Variants in POLH observed in about 807,000 individuals in gnomAD.
POLH encodes DNA polymerase eta, also known as DNA polymerase eta transcript.
POLH carries 53 observed loss-of-function variants against 73.6 expected under a neutral mutation model. The ratio of observed to expected loss-of-function variants is 0.72; its 90% CI spans 0.58 to 0.91. The LOEUF (loss-of-function observed/expected upper bound fraction) is 0.91. POLH is among the 40% of genes least tolerant of loss of function. The probability of loss-of-function intolerance (pLI) is 0.00; values close to 1 mark genes in which losing one functional copy is unlikely to be tolerated. For missense variants in POLH, 768 were observed against 865.4 expected (o/e 0.89, Z 1.41); for synonymous variants, 292 against 308.5 (o/e 0.95, Z 0.56).
In POLH at chr6:43,619,859, G is replaced by A; in HGVS notation, c.*5302G>A. 6.6e-6 allele frequency among the ~76,000 whole-genome samples: 1 copy of A among 152,220 alleles called. No homozygotes were observed. Among genetic ancestry groups the A allele is most frequent in the East Asian group, 1.9e-4 (1 of 5,196 alleles). On this transcript the variant is annotated 3_prime_UTR_variant, in exon 11 of 11. Transcript: ENST00000372236. ...AGTTACATTTTATAAAACAGCCTGA[G>A]TGGTAGGGAAGCTATCACTTTAATA...
At chr6:43,602,867 T>C (rs556102835) in intron 6 of POLH, among the ~76,000 whole-genome samples, 209 of 152,074 alleles carry the variant, frequency 1.4e-3, no homozygotes, top group African/African-American at 4.9e-3. Flanking sequence ...GAGGTTTTAC[T>C]ATTTTGGCCA....
intron 10 of POLH, 122 bp from the exon 11 acceptor site, chr6:43,613,538 C>A: frequency 6.1e-6 from 5 of 814,250 alleles, no homozygotes; most frequent in Middle Eastern, 2.9e-4. Flanking sequence ...GAATGCTAGT[C>A]ATCTATGGAT....
rs1172765665 is a variant in POLH, at chr6:43,603,801, A to C, written c.765-91A>C. ...CTCTCATTTGTCCTGAACCTTTTGG[A>C]GAGCTGTTTACAAAGTAGAATGTCT... On this transcript the variant is annotated intron_variant, in intron 6 of 10. Coordinates refer to ENST00000372236, the MANE Select transcript of POLH (RefSeq NM_006502.3). 5 of 1,277,048 alleles carry C rather than the reference A, an allele frequency of 3.9e-6. No individual in the cohort carries two copies. In the South Asian group the frequency reaches 6.0e-5, roughly 15 times the overall value. The allele number at this position is 1,277,048 out of a possible 1,614,324, so 79.1% of individuals were successfully genotyped here. A position where few individuals can be genotyped will look rare whatever the true frequency, so the allele number is the denominator to read the frequency against.
intron 6 of POLH, 67 bp from the exon 7 acceptor site, chr6:43,603,825 C>G: frequency 6.5e-7 from 1 of 1,534,018 alleles, no homozygotes; most frequent in Non-Finnish European, 9.0e-7. Context: ...AGTAGAATGT[C>G]TTACGTTTGC....
rs1767791119 is a variant in POLH, at chr6:43,610,608, C to T, written c.1129C>T (p.Arg377Cys). Residue 377 changes from arginine (R) to cysteine (C), a missense_variant, in exon 10 of 11, where the codon CGC becomes TGC. By Grantham distance (180) the Arg-to-Cys change is radical. Transcript: ENST00000372236. ...VVSIRVQGDK[R>C]LSSLRRCCAL... is the part of the protein sequence containing the mutation. ...GAGCATTCGTGTACAAGGAGACAAA[C>T]GCCTCAGCAGCCTGCGCCGCTGCTG... 3 of 1,613,832 alleles carry T rather than the reference C, an allele frequency of 1.9e-6. No homozygotes were observed. The highest frequency in any genetic ancestry group is 2.2e-5 in the South Asian group (2 of 91,072).
At chr6:43,590,016 G>A (rs1765264073) in intron 4 of POLH, among the ~76,000 whole-genome samples, 1 of 151,876 alleles carries the variant, frequency 6.6e-6, no homozygotes, top group East Asian at 1.9e-4. Context: ...ACATGTACTT[G>A]AAGGTTAATT....
chr6:43,583,362 C>T (rs1189437933), intron 3 of POLH, among the ~76,000 whole-genome samples: 1 of 152,170 alleles, frequency 6.6e-6, no homozygotes, highest in African/African-American at 2.4e-5. Flanking sequence ...CCTTTGATAT[C>T]TATTCAGTTC....
Position 43,582,479 on chromosome 6 carries a change from C to T in POLH, c.137+23C>T, listed in dbSNP as rs941108912. On this transcript the variant is annotated intron_variant, in intron 2 of 10. Transcript: ENST00000372236. Reference sequence around the variant, plus strand: ...TGGGTATGTATCATTGTTATTGTCACAACTATTCAATGGTAACACAGTGGC... The same window carrying T: ...TGGGTATGTATCATTGTTATTGTCATAACTATTCAATGGTAACACAGTGGC... 9 of 1,609,506 alleles carry T rather than the reference C, an allele frequency of 5.6e-6. No homozygotes were observed. The African/African-American group carries it at 1.1e-4, about 19-fold the overall frequency.
At position 43,582,326 on chromosome 6, in the gene POLH, A is replaced by C; in HGVS notation, c.7A>C (p.Thr3Pro). The C allele has an allele frequency of 6.2e-7, 1 of 1,614,188 alleles. No individual in the cohort carries two copies. Residue 3 changes from threonine to proline, a missense_variant, in exon 2 of 11, where the codon ACT becomes CCT. Thr to Pro is a conservative substitution (Grantham distance 38). Transcript: ENST00000372236. Reference sequence around the variant, plus strand: ...AATGTTGTGTTACAGAAAAATGGCTACTGGACAGGATCGAGTGGTTGCTCT... The same window carrying C: ...AATGTTGTGTTACAGAAAAATGGCTCCTGGACAGGATCGAGTGGTTGCTCT... Reference protein sequence around the residue: MATGQDRVVALVD... With the variant: MAPGQDRVVALVD...
chr6:43,582,445 G>C lies in POLH; in HGVS notation c.126G>C (p.Trp42Cys), dbSNP rs374515054. 5.6e-6 allele frequency: 9 copies of C among 1,613,790 alleles called. No individual in the cohort carries two copies. The highest frequency in any genetic ancestry group is 4.5e-5 in the East Asian group (2 of 44,898). Residue 42 changes from tryptophan (W) to cysteine (C), a missense_variant, in exon 2 of 11, where the codon TGG becomes TGC. Physicochemically the swap from Trp to Cys is radical, Grantham distance 215. Transcript: ENST00000372236. ...KPCAVVQYKS[W>C]KGGGIIAVSY... Reference sequence around the variant, plus strand: ...GTGCAGTTGTACAGTACAAATCATGGAAGGGTGGTGGGTATGTATCATTGT... The same window carrying C: ...GTGCAGTTGTACAGTACAAATCATGCAAGGGTGGTGGGTATGTATCATTGT...
rs1216056060 is a variant in POLH at position 43,615,252 on chromosome 6, A to C, written c.*695A>C. On this transcript the variant is annotated 3_prime_UTR_variant, in exon 11 of 11. Transcript: ENST00000372236. ...GCGCTCCAGCCTGGGCAACAGAGCG[A>C]GACTTCATCTCAGAAAATAAAAAAT... is the stretch of plus-strand genomic sequence containing the variant. 6.6e-6 allele frequency: 1 copy of C among 152,548 alleles called. No individual in the cohort carries two copies. Among genetic ancestry groups the C allele is most frequent in the Middle Eastern group, 3.4e-3 (1 of 296 alleles). The allele number at this position is 152,548 out of a possible 1,614,324, so 9.4% of individuals were successfully genotyped here.
chr6:43,580,739 G>T (rs1245946324), intron 1 of POLH, among the ~76,000 whole-genome samples: 7 of 134,902 alleles, frequency 5.2e-5, no homozygotes, highest in African/African-American at 2.0e-4. Flanking sequence ...CTCCCTCCCG[G>T]ACGGGGCGGC....
intron 4 of POLH, among the ~76,000 whole-genome samples, chr6:43,592,745 A>G (rs938847464): frequency 6.6e-6 from 1 of 152,126 alleles, no homozygotes; most frequent in African/African-American, 2.4e-5. Flanking sequence ...ATTTGTGTGT[A>G]AAGTTTAAGT....
At position 43,619,502 on chromosome 6, in the gene POLH, T is replaced by C. The variant is rs2127829244; in HGVS notation, c.*4945T>C. On this transcript the variant is annotated 3_prime_UTR_variant, in exon 11 of 11. Coordinates refer to ENST00000372236, the MANE Select transcript of POLH (RefSeq NM_006502.3). ...GCACATGATAGGTGCTGATACTCATTGGATGAATGTATATAGTGAAGAATT... is the reference window on the plus strand; with the variant it reads ...GCACATGATAGGTGCTGATACTCATCGGATGAATGTATATAGTGAAGAATT... Among the ~76,000 whole-genome samples, 1 of 152,226 alleles carries C rather than the reference T, an allele frequency of 6.6e-6. No homozygotes were observed. Among genetic ancestry groups the C allele is most frequent in the South Asian group, 2.1e-4 (1 of 4,830 alleles).
rs1768614907 is a variant in POLH at position 43,620,167 on chromosome 6, C to T, written c.*5610C>T. Reference sequence around the variant, plus strand: ...TCTTTAAGTAGCTGGCACTGTATCTCTGCCAGGGCACAGAAGTGGGCTCCT... The same window carrying T: ...TCTTTAAGTAGCTGGCACTGTATCTTTGCCAGGGCACAGAAGTGGGCTCCT... On this transcript the variant is annotated 3_prime_UTR_variant, in exon 11 of 11. Coordinates refer to ENST00000372236, the MANE Select transcript of POLH (RefSeq NM_006502.3). The T allele has an allele frequency of 2.2e-6, 1 of 465,038 alleles. No individual in the cohort carries two copies. The highest frequency in any genetic ancestry group is 4.1e-6 in the Non-Finnish European group (1 of 242,896). The allele number at this position is 465,038 out of a possible 1,614,324, so 28.8% of individuals were successfully genotyped here. A position where few individuals can be genotyped will look rare whatever the true frequency, so the allele number is the denominator to read the frequency against.
Position 43,613,967 on chromosome 6 carries a change from T to C in POLH, c.1552T>C (p.Leu518=), listed in dbSNP as rs748987214. 4 of 1,614,080 alleles carry C rather than the reference T, an allele frequency of 2.5e-6. No individual in the cohort carries two copies. The East Asian group carries it at 8.9e-5, about 36-fold the overall frequency. The part of the protein sequence containing the change: ...PMSNSPSKPS[L]PFQTSQSTGT... ...GAGCAATTCACCATCCAAGCCCTCA[T>C]TACCTTTTCAAACCAGTCAAAGTAC... Residue 518 remains leucine, a synonymous_variant, in exon 11 of 11, where the codon TTA becomes CTA. Coordinates refer to ENST00000372236, the MANE Select transcript of POLH (RefSeq NM_006502.3).
In POLH at chr6:43,620,058, C is replaced by A. The variant is rs1768608215; in HGVS notation, c.*5501C>A. 1 of 295,074 alleles carries A rather than the reference C, an allele frequency of 3.4e-6. No individual in the cohort carries two copies. Among genetic ancestry groups the A allele is most frequent in the Non-Finnish European group, 6.5e-6 (1 of 154,538 alleles). The allele number at this position is 295,074 out of a possible 1,614,324, so 18.3% of individuals were successfully genotyped here. On this transcript the variant is annotated 3_prime_UTR_variant, in exon 11 of 11. Coordinates refer to ENST00000372236, the MANE Select transcript of POLH (RefSeq NM_006502.3). ...CAGGGACTAAGGTTTGGTCAAGTGG[C>A]CCTCATTGTTCCAAGAGTAATTTAG...
At chr6:43,602,674 CTTT>C in intron 6 of POLH, among the ~76,000 whole-genome samples, 1 of 146,292 alleles carries the variant, frequency 6.8e-6, no homozygotes, top group East Asian at 2.0e-4. Flanking sequence ...AGAATTTTGA[CTTT>C]TTTTTTTTTG....
chr6:43,615,771 C>T lies in POLH; in HGVS notation c.*1214C>T, dbSNP rs1302637288. 1.3e-5 allele frequency: 2 copies of T among 151,722 alleles called. No homozygotes were observed. The allele number at this position is 151,722 out of a possible 1,614,324, so 9.4% of individuals were successfully genotyped here. A position where few individuals can be genotyped will look rare whatever the true frequency, so the allele number is the denominator to read the frequency against. On this transcript the variant is annotated 3_prime_UTR_variant, in exon 11 of 11. Transcript: ENST00000372236. ...CACCGCAACCTCCGTCTCCTGGGTT[C>T]AAGCAATTCTCCTGCCTCAGCCTCC...
Sources: allele counts gnomAD v4.1 joint callset (sites outside exome capture counted in the v4.1 genomes callset), GRCh38; gene constraint gnomAD v4.1.1; transcripts MANE v1.5; gene names NCBI Gene and HGNC (gene_info 2026-07-23, HGNC 2026-07-21).